The following NTRK2 variants were observed in gnomAD, a reference collection of about 807,000 sequenced individuals.
NTRK2 encodes BDNF/NT-3 growth factors receptor.
NTRK2 carries 13 observed loss-of-function variants against 94.5 expected under a neutral mutation model. That is an observed-to-expected ratio of 0.14 (90% CI 0.09 to 0.22). The LOEUF (loss-of-function observed/expected upper bound fraction) is 0.22. NTRK2 is among the 10% of genes least tolerant of loss of function. The probability of loss-of-function intolerance (pLI) is 1.00; values close to 1 mark genes in which losing one functional copy is unlikely to be tolerated. For missense variants in NTRK2, 639 were observed against 1,071.2 expected (o/e 0.60, Z 5.63); for synonymous variants, 372 against 407.4 (o/e 0.91, Z 1.05).
rs1755804690 is a variant in NTRK2, at chr9:84,741,935, T to A, written c.1195+8T>A. On this transcript the variant is annotated splice_region_variant and intron_variant, in intron 10 of 18. Transcript: ENST00000277120. ...CTGATGTAATTTATGAAGGTAGCTA[T>A]CGTGTTTTCTACTTTGTATTTCTTT... 6.2e-7 allele frequency: 1 copy of A among 1,609,080 alleles called. No individual in the cohort carries two copies. The highest frequency in any genetic ancestry group is 1.3e-5 in the African/African-American group (1 of 74,854).
At chr9:84,712,477 A>T (rs542388849) in intron 6 of NTRK2, among the ~76,000 whole-genome samples, 1 of 152,330 alleles carries the variant, frequency 6.6e-6, no homozygotes, top group East Asian at 1.9e-4. Flanking sequence ...CATGGGCTCA[A>T]TTGATCGATT....
chr9:84,869,628 A>G (rs897246869), intron 14 of NTRK2, among the ~76,000 whole-genome samples: 2 of 151,688 alleles, frequency 1.3e-5, no homozygotes, highest in Non-Finnish European at 2.9e-5. Context: ...GAGCACTCTC[A>G]TGTGTTTCTG....
chr9:84,876,445 G>A (rs911727422), intron 14 of NTRK2: 18 of 1,055,310 alleles, frequency 1.7e-5, no homozygotes, highest in Non-Finnish European at 2.1e-5. Context: ...AACACCCAAA[G>A]AGTTTACTTT....
At chr9:85,003,408 A>G (rs1205314220) in intron 17 of NTRK2, among the ~76,000 whole-genome samples, 7 of 152,202 alleles carry the variant, frequency 4.6e-5, no homozygotes, top group African/African-American at 1.4e-4. Flanking sequence ...GGACACAGAA[A>G]AGACAAGCAA....
chr9:84,752,802 T>G (rs1044989301), intron 12 of NTRK2, among the ~76,000 whole-genome samples: 1 of 152,248 alleles, frequency 6.6e-6, no homozygotes, highest in African/African-American at 2.4e-5. Flanking sequence ...CTCTGAAGTT[T>G]AAACTTATGT....
intron 17 of NTRK2, among the ~76,000 whole-genome samples, chr9:85,007,910 ACACAGC>A (rs1187935715): frequency 6.6e-6 from 1 of 152,180 alleles, no homozygotes; most frequent in African/African-American, 2.4e-5. Context: ...AACATTAGCC[ACACAGC>A]TACACATAAG....
At chr9:84,905,849 A>G (rs1408510553) in intron 14 of NTRK2, among the ~76,000 whole-genome samples, 1 of 152,224 alleles carries the variant, frequency 6.6e-6, no homozygotes. Context: ...GATAAATGTG[A>G]AACCAATAGC....
intron 17 of NTRK2, among the ~76,000 whole-genome samples, chr9:84,958,950 C>T (rs117390437): frequency 0.013 from 2,039 of 152,176 alleles, 20 homozygotes; most frequent in Middle Eastern, 0.051. Flanking sequence ...GTGCCTCCTG[C>T]GGTGGCTAAG....
At chr9:84,946,754 A>G (rs1466346808) in intron 15 of NTRK2, among the ~76,000 whole-genome samples, 2 of 152,190 alleles carry the variant, frequency 1.3e-5, no homozygotes, top group East Asian at 3.9e-4. Flanking sequence ...CAGACACCTG[A>G]AATCAGTTTT....
chr9:84,933,313 A>G (rs1464810754), intron 14 of NTRK2, among the ~76,000 whole-genome samples: 1 of 152,170 alleles, frequency 6.6e-6, no homozygotes, highest in African/African-American at 2.4e-5. Flanking sequence ...CCTGTCCTCC[A>G]TGACCTCTGT....
chr9:84,924,261 AAGAAAGAAAGAAAGAAAG>A (rs2077676059), intron 14 of NTRK2, among the ~76,000 whole-genome samples: 1 of 151,526 alleles, frequency 6.6e-6, no homozygotes. Context: ...GAAAGAAAGA[AAGAAAGAAAGAAAGAAAG>A]AAAGAAAGAA....
At chr9:84,867,160 A>G (rs913969044) in intron 13 of NTRK2, 83 bp from the exon 14 acceptor site, 20 of 1,348,298 alleles carry the variant, frequency 1.5e-5, no homozygotes, top group Non-Finnish European at 7.4e-6. Context: ...TGTATACTTT[A>G]AATGGGTAAA....
chr9:84,960,979 A>G (rs1487128599), intron 17 of NTRK2, among the ~76,000 whole-genome samples: 1 of 152,146 alleles, frequency 6.6e-6, no homozygotes, highest in Admixed American at 6.5e-5. Context: ...AGGTACTCAG[A>G]TTTGTATTTG....
At chr9:84,957,907 C>T (rs958325902) in intron 17 of NTRK2, among the ~76,000 whole-genome samples, 4 of 152,136 alleles carry the variant, frequency 2.6e-5, no homozygotes, top group Non-Finnish European at 5.9e-5. Flanking sequence ...TATTATTCAG[C>T]AGTACAAAAG....
At chr9:84,735,506 A>G (rs1330611641) in intron 9 of NTRK2, among the ~76,000 whole-genome samples, 1 of 152,202 alleles carries the variant, frequency 6.6e-6, no homozygotes. Flanking sequence ...CATCAAGATG[A>G]CCTCACTGAC....
intron 12 of NTRK2, among the ~76,000 whole-genome samples, chr9:84,850,644 A>G (rs1220915692): frequency 6.6e-6 from 1 of 152,202 alleles, no homozygotes; most frequent in Non-Finnish European, 1.5e-5. Flanking sequence ...ATAGAGAGGA[A>G]CTCAGAGACA....
At chr9:84,780,084 C>T (rs1180909398) in intron 12 of NTRK2, among the ~76,000 whole-genome samples, 5 of 151,814 alleles carry the variant, frequency 3.3e-5, no homozygotes, top group Non-Finnish European at 7.4e-5. Flanking sequence ...ATTATTAACA[C>T]TCTTGCCATT....
chr9:84,833,262 A>C (rs2073677628), intron 12 of NTRK2, among the ~76,000 whole-genome samples: 1 of 152,090 alleles, frequency 6.6e-6, no homozygotes, highest in Non-Finnish European at 1.5e-5. Flanking sequence ...GATTTTTAAA[A>C]TATCCATGCC....
intron 2 of NTRK2, among the ~76,000 whole-genome samples, chr9:84,676,685 T>TC (rs2059077308): frequency 6.6e-6 from 1 of 152,168 alleles, no homozygotes; most frequent in African/African-American, 2.4e-5. Context: ...TTAGGGTGCC[T>TC]CCCCTCCGTT....
Sources: allele counts gnomAD v4.1 joint callset (sites outside exome capture counted in the v4.1 genomes callset), GRCh38; gene constraint gnomAD v4.1.1; transcripts MANE v1.5; gene names NCBI Gene and HGNC (gene_info 2026-07-23, HGNC 2026-07-21).